CFAP54: variants seen among roughly 807,000 people sequenced by gnomAD.
CFAP54 encodes the protein cilia and flagella associated protein 54.
A neutral mutation model predicts 370.4 loss-of-function variants in CFAP54; 290 were observed. The ratio of observed to expected loss-of-function variants is 0.78; its 90% confidence interval spans 0.71 to 0.86. CFAP54 has a LOEUF of 0.86. Among genes scored for constraint, CFAP54 ranks in the 40% least tolerant of loss-of-function variants. The pLI is 0.00. For synonymous variants in CFAP54, 1,206 were observed against 1,236.5 expected (o/e 0.98, Z 0.52); for missense variants, 3,399 against 3,528.7 (o/e 0.96, Z 0.93).
chr12:96,829,009 T>C lies in CFAP54; in HGVS notation c.9097-5T>C. 1 of 1,472,172 alleles carries C rather than the reference T, an allele frequency of 6.8e-7. No homozygotes were observed. The highest frequency in any genetic ancestry group is 9.2e-7 in the Non-Finnish European group (1 of 1,092,084). The allele number at this position is 1,472,172 out of a possible 1,614,324, so 91.2% of individuals were successfully genotyped here. ...CTCACTGTATTACTATCTTCTTATTTCTAGGACATGATTATTCAATGTTGC... is the reference window on the plus strand; with the variant it reads ...CTCACTGTATTACTATCTTCTTATTCCTAGGACATGATTATTCAATGTTGC... On this transcript the variant is annotated splice_region_variant and splice_polypyrimidine_tract_variant and intron_variant, in intron 65 of 67. Transcript: ENST00000524981.
chr12:96,851,201 A>G (rs1331049658), intron 66 of CFAP54, among the ~76,000 whole-genome samples: 2 of 152,126 alleles, frequency 1.3e-5, no homozygotes, highest in Admixed American at 6.5e-5. Flanking sequence ...TATGACATTG[A>G]TGTGCTTTGA....
At chr12:96,606,074 C>T (rs765812063) in intron 26 of CFAP54, among the ~76,000 whole-genome samples, 13 of 151,908 alleles carry the variant, frequency 8.6e-5, no homozygotes, top group African/African-American at 1.5e-4. Flanking sequence ...AACAAACATA[C>T]GCATAAAATA....
At chr12:96,867,192 G>A (rs1272794926) in intron 67 of CFAP54, among the ~76,000 whole-genome samples, 1 of 152,080 alleles carries the variant, frequency 6.6e-6, no homozygotes, top group Non-Finnish European at 1.5e-5. Context: ...GACAAACTGA[G>A]CTCATTCATT....
chr12:96,578,646 T>C (rs527451809), intron 20 of CFAP54, among the ~76,000 whole-genome samples: 2 of 152,346 alleles, frequency 1.3e-5, no homozygotes, highest in African/African-American at 4.8e-5. Context: ...GAGGACGTTA[T>C]AGGAAGTTTA....
At chr12:96,874,715 C>T (rs1361711080) in intron 67 of CFAP54, among the ~76,000 whole-genome samples, 2 of 144,772 alleles carry the variant, frequency 1.4e-5, no homozygotes, top group African/African-American at 5.1e-5. Flanking sequence ...CTGCAAGCTC[C>T]GCCTCCCGGG....
At chr12:96,842,857 A>C (rs1265056917) in intron 66 of CFAP54, among the ~76,000 whole-genome samples, 1 of 152,216 alleles carries the variant, frequency 6.6e-6, no homozygotes, top group Non-Finnish European at 1.5e-5. Flanking sequence ...AGTTAGAAAT[A>C]CTAAAAAGAG....
At chr12:96,642,240 G>T (rs1956738794) in intron 32 of CFAP54, among the ~76,000 whole-genome samples, 1 of 151,694 alleles carries the variant, frequency 6.6e-6, no homozygotes, top group South Asian at 2.1e-4. Context: ...TCATTTTTTT[G>T]AGCTACTTCT....
At chr12:96,595,355 A>T (rs1316339608) in intron 25 of CFAP54, among the ~76,000 whole-genome samples, 6 of 152,110 alleles carry the variant, frequency 3.9e-5, no homozygotes, top group Non-Finnish European at 7.4e-5. Flanking sequence ...CATGTACACC[A>T]GGGGGAAGAA....
Position 96,784,767 on chromosome 12 carries a change from G to A in CFAP54, c.8332G>A (p.Asp2778Asn). Residue 2778 changes from aspartate to asparagine, a missense_variant, in exon 61 of 68, where the codon GAT (aspartate) becomes AAT (asparagine). Around this residue, in one of 3 missense-constraint regions of CFAP54, gnomAD observed 2,796 missense variants for 2,869.7 expected, o/e 0.97. Coordinates refer to ENST00000524981, the MANE Select transcript of CFAP54 (RefSeq NM_001306084.2). ...QTSCTFLYQN[D>N]DVCDSADGRK... ...TTCCTGTACATTTTTGTACCAAAAT[G>A]ATGATGTGTGTGACAGCGCAGATGG... 6.5e-7 allele frequency: 1 copy of A among 1,533,278 alleles called. No homozygotes were observed. The highest frequency in any genetic ancestry group is 8.7e-7 in the Non-Finnish European group (1 of 1,145,642). The allele number at this position is 1,533,278 out of a possible 1,614,324, so 95.0% of individuals were successfully genotyped here.
chr12:96,861,886 T>A (rs1351813695), intron 67 of CFAP54, among the ~76,000 whole-genome samples: 1 of 152,194 alleles, frequency 6.6e-6, no homozygotes, highest in Admixed American at 6.5e-5. Flanking sequence ...CACATGTGAA[T>A]ACTTCCCAGA....
intron 26 of CFAP54, among the ~76,000 whole-genome samples, chr12:96,608,301 A>G (rs815883): frequency 0.72 from 100,746 of 139,098 alleles, 33,666 homozygotes; most frequent in South Asian, 0.74. Context: ...ATATATGCAT[A>G]TATATATACA....
At chr12:96,787,353 TTAAAA>T (rs1396057401) in intron 62 of CFAP54, among the ~76,000 whole-genome samples, 2 of 152,172 alleles carry the variant, frequency 1.3e-5, no homozygotes, top group African/African-American at 2.4e-5. Flanking sequence ...AGGTAACACT[TTAAAA>T]TAAATTAAAA....
intron 14 of CFAP54, among the ~76,000 whole-genome samples, chr12:96,543,162 C>A (rs11108573): frequency 6.6e-6 from 1 of 152,138 alleles, no homozygotes; most frequent in East Asian, 1.9e-4. Flanking sequence ...CCTAGTTATC[C>A]CACTTTTTGG....
chr12:96,604,177 T>C (rs1288933645), intron 26 of CFAP54, among the ~76,000 whole-genome samples: 1 of 152,182 alleles, frequency 6.6e-6, no homozygotes, highest in East Asian at 1.9e-4. Flanking sequence ...ATGCTATTCC[T>C]TTCATTTGTT....
intron 17 of CFAP54, among the ~76,000 whole-genome samples, chr12:96,559,791 T>TA (rs1955796800): frequency 6.6e-6 from 1 of 152,082 alleles, no homozygotes; most frequent in South Asian, 2.1e-4. Context: ...ATAACCATAA[T>TA]ACCATTATCA....
chr12:96,778,002 C>T (rs1017973626), intron 60 of CFAP54, among the ~76,000 whole-genome samples: 4 of 152,002 alleles, frequency 2.6e-5, no homozygotes, highest in Admixed American at 6.6e-5. Context: ...GTTATGTACC[C>T]GTACAAATTT....
chr12:96,520,574 A>G (rs1318114541), intron 6 of CFAP54, among the ~76,000 whole-genome samples: 1 of 144,442 alleles, frequency 6.9e-6, no homozygotes, highest in Non-Finnish European at 1.6e-5. Context: ...ATTGGCCTGT[A>G]GAGTGCCCCT....
chr12:96,503,225 T>C (rs144891080), intron 2 of CFAP54, among the ~76,000 whole-genome samples: 3,722 of 137,144 alleles, frequency 0.027, 110 homozygotes, highest in African/African-American at 0.074. Flanking sequence ...TTTCCTTTTT[T>C]TTCCTTCCTT....
intron 22 of CFAP54, among the ~76,000 whole-genome samples, chr12:96,583,376 T>G (rs1956048855): frequency 6.6e-6 from 1 of 152,156 alleles, no homozygotes; most frequent in Non-Finnish European, 1.5e-5. Flanking sequence ...TGGAGACTGA[T>G]TTTAGGCAAA....
Sources: allele counts gnomAD v4.1 joint callset (sites outside exome capture counted in the v4.1 genomes callset), GRCh38; gene constraint gnomAD v4.1.1; regional missense constraint gnomAD v4.1.1; transcripts MANE v1.5; gene names NCBI Gene and HGNC (gene_info 2026-07-23, HGNC 2026-07-21).